SLC35F1: variants seen among roughly 807,000 people sequenced by gnomAD.
SLC35F1 encodes the protein solute carrier family 35 member F1.
A neutral mutation model predicts 48.7 loss-of-function variants in SLC35F1; 14 were observed. The observed-to-expected ratio is 0.29, with a 90% CI of 0.19 to 0.45. The LOEUF (loss-of-function observed/expected upper bound fraction) is 0.45. SLC35F1 is among the 20% of genes least tolerant of loss of function. The pLI is 1.00. For missense variants in SLC35F1, 404 were observed against 500.0 expected (o/e 0.81, Z 1.83); for synonymous variants, 190 against 202.2 (o/e 0.94, Z 0.51).
intron 1 of SLC35F1, among the ~76,000 whole-genome samples, chr6:118,120,534 C>A (rs556275661): frequency 1.3e-5 from 2 of 152,224 alleles, no homozygotes; most frequent in East Asian, 3.9e-4. Flanking sequence ...ACAACTTATC[C>A]ACCCTTTTTT....
intron 4 of SLC35F1, among the ~76,000 whole-genome samples, chr6:118,271,661 G>A (rs1422456058): frequency 1.3e-5 from 2 of 152,010 alleles, no homozygotes; most frequent in Admixed American, 6.6e-5. Context: ...CCACCACCAC[G>A]CATACACAAA....
At chr6:117,964,302 T>C (rs1352915879) in intron 1 of SLC35F1, among the ~76,000 whole-genome samples, 1 of 152,252 alleles carries the variant, frequency 6.6e-6, no homozygotes, top group African/African-American at 2.4e-5. Flanking sequence ...GGAATATCCC[T>C]AACCTTTCTG....
At chr6:118,158,740 G>C (rs554194478) in intron 2 of SLC35F1, among the ~76,000 whole-genome samples, 3 of 152,272 alleles carry the variant, frequency 2.0e-5, no homozygotes, top group South Asian at 2.1e-4. Flanking sequence ...GAAGCAGCAG[G>C]CTCCACTGTA....
intron 1 of SLC35F1, among the ~76,000 whole-genome samples, chr6:117,949,436 C>T (rs1424817440): frequency 6.6e-6 from 1 of 152,140 alleles, no homozygotes. Flanking sequence ...ATTTGACAAG[C>T]ACTTTATTAT....
chr6:118,146,170 C>G (rs1251210137), intron 1 of SLC35F1, among the ~76,000 whole-genome samples: 3 of 152,208 alleles, frequency 2.0e-5, no homozygotes, highest in African/African-American at 7.2e-5. Context: ...GATATCTGGT[C>G]TTCAATCTTG....
chr6:118,006,683 T>C (rs896066260), intron 1 of SLC35F1, among the ~76,000 whole-genome samples: 1 of 152,136 alleles, frequency 6.6e-6, no homozygotes, highest in East Asian at 1.9e-4. Context: ...TTTAGATCTT[T>C]CTATTCTTAA....
chr6:118,306,813 T>G (rs1776317345), intron 7 of SLC35F1, among the ~76,000 whole-genome samples: 1 of 152,242 alleles, frequency 6.6e-6, no homozygotes, highest in Non-Finnish European at 1.5e-5. Context: ...TGAAACTGTC[T>G]GTTTGTCATA....
At chr6:118,304,456 C>T (rs764502520) in intron 7 of SLC35F1, among the ~76,000 whole-genome samples, 1 of 151,824 alleles carries the variant, frequency 6.6e-6, no homozygotes, top group East Asian at 1.9e-4. Context: ...AACATGGAGT[C>T]TATAAGCCAG....
chr6:118,271,169 C>A (rs1445871487), intron 4 of SLC35F1, among the ~76,000 whole-genome samples: 1 of 152,152 alleles, frequency 6.6e-6, no homozygotes, highest in Non-Finnish European at 1.5e-5. Flanking sequence ...TATATTATTT[C>A]ATTTAATCCT....
At chr6:117,974,506 A>G (rs982256467) in intron 1 of SLC35F1, among the ~76,000 whole-genome samples, 5 of 152,182 alleles carry the variant, frequency 3.3e-5, no homozygotes, top group African/African-American at 1.2e-4. Context: ...GATTCTGAAA[A>G]TCTGGAAAGA....
At chr6:117,966,837 C>G (rs964640409) in intron 1 of SLC35F1, among the ~76,000 whole-genome samples, 6 of 152,178 alleles carry the variant, frequency 3.9e-5, no homozygotes, top group African/African-American at 1.2e-4. Flanking sequence ...TTTAAATACC[C>G]TGTGTCCAAA....
intron 1 of SLC35F1, among the ~76,000 whole-genome samples, chr6:117,939,658 G>A (rs1470991310): frequency 2.0e-5 from 3 of 152,242 alleles, no homozygotes; most frequent in Non-Finnish European, 4.4e-5. Context: ...GAATAAACCC[G>A]GAAATATAAC....
chr6:118,206,672 T>A (rs1373483750), intron 2 of SLC35F1, among the ~76,000 whole-genome samples: 18 of 152,256 alleles, frequency 1.2e-4, no homozygotes, highest in Admixed American at 1.2e-3. Context: ...AGGAATCTTA[T>A]GATGGACCAT....
chr6:118,050,338 G>A lies in SLC35F1; in HGVS notation c.174-104107G>A, dbSNP rs367648110. ...TATGTAACTAACCTGCACATTGTGCGCATGTACCCTAAAACTTAAAGTATA... is the reference window on the plus strand; with the variant it reads ...TATGTAACTAACCTGCACATTGTGCACATGTACCCTAAAACTTAAAGTATA... On this transcript the variant is annotated intron_variant, in intron 1 of 7. Coordinates refer to ENST00000360388, the MANE Select transcript of SLC35F1 (RefSeq NM_001029858.4). Among the ~76,000 whole-genome samples, 242 of 149,224 alleles carry A rather than the reference G, an allele frequency of 1.6e-3. 2 individuals are homozygous for A. The highest frequency in any genetic ancestry group is 5.6e-3 in the African/African-American group (228 of 40,592).
chr6:118,065,730 ATTACT>A (rs1480370177), intron 1 of SLC35F1, among the ~76,000 whole-genome samples: 1 of 152,080 alleles, frequency 6.6e-6, no homozygotes, highest in Non-Finnish European at 1.5e-5. Flanking sequence ...TATAATGCAG[ATTACT>A]TTCATAAAGA....
At chr6:117,939,828 G>C (rs1282355858) in intron 1 of SLC35F1, among the ~76,000 whole-genome samples, 1 of 152,176 alleles carries the variant, frequency 6.6e-6, no homozygotes, top group Non-Finnish European at 1.5e-5. Context: ...CAAGCAAGTG[G>C]AGTGGGGACA....
At chr6:118,117,313 A>G (rs138514449) in intron 1 of SLC35F1, among the ~76,000 whole-genome samples, 70 of 152,334 alleles carry the variant, frequency 4.6e-4, no homozygotes, top group African/African-American at 1.6e-3. Context: ...GGAATACTCA[A>G]TTTTGCAGAG....
chr6:117,919,082 G>A (rs1266714588), intron 1 of SLC35F1, among the ~76,000 whole-genome samples: 1 of 151,768 alleles, frequency 6.6e-6, no homozygotes, highest in African/African-American at 2.4e-5. Flanking sequence ...TTTTTTTGTA[G>A]AGATGTTGGT....
intron 1 of SLC35F1, among the ~76,000 whole-genome samples, chr6:118,096,909 A>G (rs1773184718): frequency 6.6e-6 from 1 of 152,154 alleles, no homozygotes; most frequent in Admixed American, 6.6e-5. Context: ...TATTCCAAAC[A>G]GAATTGATCA....
Sources: allele counts gnomAD v4.1 joint callset (sites outside exome capture counted in the v4.1 genomes callset), GRCh38; gene constraint gnomAD v4.1.1; transcripts MANE v1.5; gene names NCBI Gene and HGNC (gene_info 2026-07-23, HGNC 2026-07-21).